Variants in SLC24A2 observed in about 807,000 individuals in gnomAD.
The protein encoded by SLC24A2 is sodium/potassium/calcium exchanger 2.
In SLC24A2, 36 loss-of-function variants were observed where a neutral mutation model predicts 62.0. That is an observed-to-expected ratio of 0.58 (90% CI 0.44 to 0.77). The LOEUF (loss-of-function observed/expected upper bound fraction) is 0.77, where lower values mean the gene tolerates loss of function less well. Ranked by LOEUF, SLC24A2 falls within the 30% of genes least tolerant of loss-of-function variation. The probability of loss-of-function intolerance (pLI) is 0.00; values close to 1 mark genes in which losing one functional copy is unlikely to be tolerated. For missense variants in SLC24A2, 846 were observed against 817.9 expected (o/e 1.03, Z -0.42); for synonymous variants, 358 against 294.0 (o/e 1.22, Z -2.23).
chr9:19,693,077 A>C (rs57425571), intron 2 of SLC24A2, among the ~76,000 whole-genome samples: 28,910 of 151,994 alleles, frequency 0.19, 5,784 homozygotes, highest in African/African-American at 0.51. Context: ...TGGTTTGTCT[A>C]TCTTTTATTT....
the SLC24A2 span, among the ~76,000 whole-genome samples, chr9:20,126,822 G>A: frequency 6.6e-6 from 1 of 152,070 alleles, no homozygotes; most frequent in African/African-American, 2.4e-5. Flanking sequence ...GTGTAGGAGA[G>A]GGGGAGAATG....
intron 2 of SLC24A2, among the ~76,000 whole-genome samples, chr9:19,653,963 T>C (rs959768202): frequency 6.6e-6 from 1 of 152,188 alleles, no homozygotes; most frequent in African/African-American, 2.4e-5. Context: ...GAGTCACTCA[T>C]GTTTAGTGCA....
At chr9:20,198,202 T>C in the SLC24A2 span, among the ~76,000 whole-genome samples, 1 of 152,096 alleles carries the variant, frequency 6.6e-6, no homozygotes, top group Admixed American at 6.5e-5. Flanking sequence ...AAAGGATGAG[T>C]TCACTCGGGA....
the SLC24A2 span, among the ~76,000 whole-genome samples, chr9:20,265,045 A>G: frequency 6.6e-6 from 1 of 152,234 alleles, no homozygotes; most frequent in African/African-American, 2.4e-5. Context: ...ACCTGAGGAT[A>G]CATCCAGGCC....
the SLC24A2 span, among the ~76,000 whole-genome samples, chr9:20,289,736 C>T: frequency 1.3e-5 from 2 of 152,134 alleles, no homozygotes; most frequent in African/African-American, 4.8e-5. Flanking sequence ...ATTGAACTCC[C>T]ATCCACTAGG....
chr9:20,217,155 C>G, the SLC24A2 span, among the ~76,000 whole-genome samples: 1 of 152,140 alleles, frequency 6.6e-6, no homozygotes, highest in East Asian at 1.9e-4. Flanking sequence ...AAAATCTGTA[C>G]CTACACTCAA....
intron 1 of SLC24A2, 132 bp downstream of exon 1, chr9:19,788,753 C>G (rs1376240405): frequency 1.0e-6 from 1 of 985,338 alleles, no homozygotes; most frequent in Non-Finnish European, 1.2e-6. Context: ...CTAGCGGGGC[C>G]TGGGGCGCCC....
At chr9:20,176,972 A>G in the SLC24A2 span, among the ~76,000 whole-genome samples, 3 of 152,116 alleles carry the variant, frequency 2.0e-5, no homozygotes, top group Non-Finnish European at 2.9e-5. Context: ...ATATGTTTTA[A>G]TAGTAGCAAT....
At chr9:19,871,241 A>G in the SLC24A2 span, among the ~76,000 whole-genome samples, 1 of 152,174 alleles carries the variant, frequency 6.6e-6, no homozygotes, top group Non-Finnish European at 1.5e-5. Context: ...TCCGTTATTC[A>G]TATTGTTGTT....
the SLC24A2 span, among the ~76,000 whole-genome samples, chr9:20,033,760 A>G: frequency 1.3e-5 from 2 of 152,324 alleles, no homozygotes; most frequent in Admixed American, 1.3e-4. Flanking sequence ...TACTTGTGAG[A>G]ATTCCCTGCC....
chr9:20,297,224 C>T, the SLC24A2 span, among the ~76,000 whole-genome samples: 2 of 152,146 alleles, frequency 1.3e-5, no homozygotes, highest in Non-Finnish European at 2.9e-5. Flanking sequence ...CCAGGTGCTA[C>T]TGTGCTCCAG....
At chr9:19,740,595 G>C (rs143290747) in intron 2 of SLC24A2, among the ~76,000 whole-genome samples, 96 of 152,290 alleles carry the variant, frequency 6.3e-4, no homozygotes, top group Non-Finnish European at 1.2e-3. Flanking sequence ...CTGGGTGTCT[G>C]TAATTTCTAT....
At chr9:19,785,276 G>A (rs1823129377) in intron 2 of SLC24A2, among the ~76,000 whole-genome samples, 1 of 152,234 alleles carries the variant, frequency 6.6e-6, no homozygotes, top group South Asian at 2.1e-4. Flanking sequence ...AATAGTTGAA[G>A]TCATGTTTAT....
At chr9:20,281,793 G>A in the SLC24A2 span, among the ~76,000 whole-genome samples, 1 of 152,144 alleles carries the variant, frequency 6.6e-6, no homozygotes, top group South Asian at 2.1e-4. Flanking sequence ...CTAGTTTATA[G>A]CTTTTGGCAA....
chr9:20,101,678 T>C, the SLC24A2 span, among the ~76,000 whole-genome samples: 2 of 152,016 alleles, frequency 1.3e-5, no homozygotes, highest in African/African-American at 2.4e-5. Context: ...ACCTTTCCCT[T>C]TGGGAAAGTA....
chr9:19,532,153 G>C (rs1210891644), intron 8 of SLC24A2, among the ~76,000 whole-genome samples: 1 of 152,104 alleles, frequency 6.6e-6, no homozygotes, highest in South Asian at 2.1e-4. Context: ...TGCAATCTTG[G>C]CTCACCATAA....
At chr9:19,627,156 G>C (rs1253523906) in intron 2 of SLC24A2, among the ~76,000 whole-genome samples, 1 of 152,192 alleles carries the variant, frequency 6.6e-6, no homozygotes, top group Admixed American at 6.5e-5. Flanking sequence ...TGACAGCCCA[G>C]GGTGCAGGAG....
At chr9:20,074,561 G>T in the SLC24A2 span, among the ~76,000 whole-genome samples, 1 of 61,436 alleles carries the variant, frequency 1.6e-5, no homozygotes, top group Non-Finnish European at 3.1e-5. Context: ...AAGGCAGGAA[G>T]GAAGGAAGGA....
At chr9:19,773,248 T>A (rs1359824) in intron 2 of SLC24A2, among the ~76,000 whole-genome samples, 32,789 of 152,158 alleles carry the variant, frequency 0.22, 3,885 homozygotes, top group South Asian at 0.32. Context: ...GATGGTTGTG[T>A]GACTCTGAAT....
Sources: gnomAD v4.1 joint callset for allele counts (sites outside exome capture counted in the v4.1 genomes callset) on GRCh38, gnomAD v4.1.1 for gene constraint, MANE v1.5 for transcripts, NCBI Gene and HGNC (gene_info 2026-07-23, HGNC 2026-07-21) for gene names.